The following SEZ6L variants were observed in gnomAD, a reference collection of about 807,000 sequenced individuals.
SEZ6L encodes seizure 6-like protein.
SEZ6L carries 37 observed loss-of-function variants against 106.2 expected under a neutral mutation model. That is an observed-to-expected ratio of 0.35 (90% CI 0.27 to 0.46). The LOEUF (loss-of-function observed/expected upper bound fraction) is 0.46, where lower values mean the gene tolerates loss of function less well. Among genes scored for constraint, SEZ6L ranks in the 20% least tolerant of loss-of-function variants. The pLI is 1.00. For missense variants in SEZ6L, 1,172 were observed against 1,332.8 expected, an observed-to-expected ratio of 0.88 and a Z score of 1.88; for synonymous variants, 541 against 570.4, an observed-to-expected ratio of 0.95 and a Z score of 0.73.
intron 12 of SEZ6L, among the ~76,000 whole-genome samples, chr22:26,357,802 C>T (rs905473261): frequency 6.6e-5 from 10 of 152,192 alleles, no homozygotes; most frequent in Admixed American, 5.9e-4. Flanking sequence ...TTTGTTGCAA[C>T]TTCCCCTCTT....
At position 26,233,015 on chromosome 22, in the gene SEZ6L, G is replaced by A. The variant is rs978500195; in HGVS notation, c.95-59391G>A. ...CACACACCCTTGTGTACTCAGCGGC[G>A]CTCCGCCATGGGTTAATCTAAGATT... On this transcript the variant is annotated intron_variant, in intron 1 of 16. Coordinates refer to ENST00000248933, the MANE Select transcript of SEZ6L (RefSeq NM_021115.5). Among the ~76,000 whole-genome samples the A allele has an allele frequency of 2.0e-5, 3 of 152,324 alleles. No homozygotes were observed. In the East Asian group the frequency reaches 5.8e-4, roughly 29 times the overall value.
chr22:26,321,794 C>T (rs1321611072), intron 9 of SEZ6L, among the ~76,000 whole-genome samples: 1 of 152,104 alleles, frequency 6.6e-6, no homozygotes, highest in Non-Finnish European at 1.5e-5. Flanking sequence ...GTGTGCACTG[C>T]AGACCGAGCT....
intron 11 of SEZ6L, among the ~76,000 whole-genome samples, chr22:26,348,654 G>GAAAGAAAGAAAGAAAGAA (rs2083129019): frequency 4.8e-5 from 2 of 41,506 alleles, no homozygotes; most frequent in Admixed American, 2.7e-4. Context: ...GAAAAAGAAA[G>GAAAGAAAGAAAGAAAGAA]AAAGAAAGAA....
At chr22:26,181,083 C>T (rs1939358565) in intron 1 of SEZ6L, among the ~76,000 whole-genome samples, 1 of 152,168 alleles carries the variant, frequency 6.6e-6, no homozygotes, top group Admixed American at 6.5e-5. Context: ...TTCCCTTGCC[C>T]CTCTCTGCAG....
At chr22:26,360,069 G>A (rs1345960056) in intron 12 of SEZ6L, among the ~76,000 whole-genome samples, 1 of 152,208 alleles carries the variant, frequency 6.6e-6, no homozygotes, top group Non-Finnish European at 1.5e-5. Context: ...TAAATGATGA[G>A]TTAATATGTT....
intron 3 of SEZ6L, among the ~76,000 whole-genome samples, chr22:26,295,594 A>G (rs1214829843): frequency 2.0e-5 from 3 of 152,024 alleles, no homozygotes; most frequent in Non-Finnish European, 2.9e-5. Context: ...ACTGGAGAAA[A>G]CCTGCAGTCC....
intron 1 of SEZ6L, among the ~76,000 whole-genome samples, chr22:26,182,776 T>C (rs1309115876): frequency 4.0e-5 from 6 of 151,798 alleles, no homozygotes; most frequent in Admixed American, 3.9e-4. Flanking sequence ...TTTGATAAAA[T>C]GGAAGTTCCA....
At chr22:26,306,844 A>G (rs900778487) in intron 6 of SEZ6L, among the ~76,000 whole-genome samples, 2 of 152,208 alleles carry the variant, frequency 1.3e-5, no homozygotes, top group African/African-American at 4.8e-5. Flanking sequence ...GTTCTAGAAT[A>G]TTCTGGATTA....
Position 26,253,234 on chromosome 22 carries a change from C to T in SEZ6L, c.95-39172C>T, listed in dbSNP as rs577867457. On this transcript the variant is annotated intron_variant, in intron 1 of 16. Transcript: ENST00000248933. ...TCCTGCTCCTAGGCCTCTCTTTGAC[C>T]ACCAGGATACCCTTTCTTATGCATC... 1.6e-4 allele frequency among the ~76,000 whole-genome samples: 24 copies of T among 152,284 alleles called. No homozygotes were observed. In the South Asian group the frequency reaches 4.1e-3, roughly 26 times the overall value.
intron 1 of SEZ6L, among the ~76,000 whole-genome samples, chr22:26,227,230 C>A (rs2078660957): frequency 6.6e-6 from 1 of 152,206 alleles, no homozygotes; most frequent in Non-Finnish European, 1.5e-5. Context: ...TGCTCTGCAG[C>A]TGAAGGCTGT....
chr22:26,359,520 A>C (rs2083543536), intron 12 of SEZ6L, among the ~76,000 whole-genome samples: 1 of 152,194 alleles, frequency 6.6e-6, no homozygotes, highest in African/African-American at 2.4e-5. Flanking sequence ...GATGATGACC[A>C]GGCATGATGG....
chr22:26,224,411 TA>T, intron 1 of SEZ6L, among the ~76,000 whole-genome samples: 1 of 152,080 alleles, frequency 6.6e-6, no homozygotes, highest in Non-Finnish European at 1.5e-5. Context: ...AAATATGAGC[TA>T]TCAGAGAAGG....
rs1229794374 is a variant in SEZ6L, at chr22:26,316,892, G to GAAAGAAGAAACAA, written c.2015+2991_2015+2992insAAGAAGAAACAAA. On this transcript the variant is annotated intron_variant, in intron 9 of 16. Coordinates refer to ENST00000248933, the MANE Select transcript of SEZ6L (RefSeq NM_021115.5). ...AGAAGGAAAGAAAGAAAGAAAGAAA[G>GAAAGAAGAAACAA]AGAAAGAAAGAAGAAAGAAAGAAAG... Among the ~76,000 whole-genome samples, 11 of 103,676 alleles carry GAAAGAAGAAACAA rather than the reference G, an allele frequency of 1.1e-4. 2 individuals are homozygous for GAAAGAAGAAACAA. In the South Asian group the frequency reaches 3.6e-3, roughly 34 times the overall value. 68.0% of individuals were successfully genotyped at this position (103,676 alleles called of 152,430 possible). A position where few individuals can be genotyped will look rare whatever the true frequency, so the allele number is the denominator to read the frequency against.
chr22:26,190,732 C>T (rs1940134594), intron 1 of SEZ6L, among the ~76,000 whole-genome samples: 1 of 152,166 alleles, frequency 6.6e-6, no homozygotes. Flanking sequence ...GAGGTGGGGA[C>T]TTGCCAAAGG....
In SEZ6L at chr22:26,348,006, G is replaced by A; in HGVS notation, c.2407+93G>A. ...GGTGGGTGCAGTGGAGCTGTTTAAT[G>A]TAGAATCTGGACTCCCCCTCCACCA... On this transcript the variant is annotated intron_variant, in intron 11 of 16. Coordinates refer to ENST00000248933, the MANE Select transcript of SEZ6L (RefSeq NM_021115.5). 4 of 985,764 alleles carry A rather than the reference G, an allele frequency of 4.1e-6. No homozygotes were observed. In the South Asian group the frequency reaches 7.8e-5, roughly 19 times the overall value. 61.1% of individuals were successfully genotyped at this position (985,764 alleles called of 1,614,324 possible). A position where few individuals can be genotyped will look rare whatever the true frequency, so the allele number is the denominator to read the frequency against.
rs142863810 is a variant in SEZ6L at position 26,297,047 on chromosome 22, G to C, written c.1129G>C (p.Asp377His). ...CGTCTACTTCCGGACCTTCCAGGAC[G>C]ACGGCCTTGGGACCTTCCAGCTTCA... ...ISVYFRTFQD[D>H]GLGTFQLHYQ... The change falls in exon 4 of 17, where the codon GAC becomes CAC. Residue 377 changes from aspartate to histidine, a missense_variant. Around this residue, in one of 4 missense-constraint regions of SEZ6L, gnomAD observed 534 missense variants for 691.0 expected, o/e 0.77. Coordinates refer to ENST00000248933, the MANE Select transcript of SEZ6L (RefSeq NM_021115.5). 1 of 1,613,402 alleles carries C rather than the reference G, an allele frequency of 6.2e-7. No individual in the cohort carries two copies. The highest frequency in any genetic ancestry group is 8.5e-7 in the Non-Finnish European group (1 of 1,179,702).
intron 1 of SEZ6L, among the ~76,000 whole-genome samples, chr22:26,272,926 T>A (rs1424445484): frequency 1.3e-5 from 2 of 152,164 alleles, no homozygotes; most frequent in African/African-American, 4.8e-5. Context: ...ATTTTCCCCA[T>A]CTGCAAAATG....
intron 1 of SEZ6L, among the ~76,000 whole-genome samples, chr22:26,219,600 C>A (rs1338986442): frequency 6.6e-6 from 1 of 152,054 alleles, no homozygotes; most frequent in Non-Finnish European, 1.5e-5. Context: ...TTTTAAAAAT[C>A]TGAGGCCATG....
chr22:26,245,812 A>ATTG (rs1438632212), intron 1 of SEZ6L, among the ~76,000 whole-genome samples: 1 of 151,798 alleles, frequency 6.6e-6, no homozygotes, highest in East Asian at 1.9e-4. Flanking sequence ...TTAGCATTTT[A>ATTG]TTGTTGTTGT....
Sources: gnomAD v4.1 joint callset for allele counts (sites outside exome capture counted in the v4.1 genomes callset) on GRCh38, gnomAD v4.1.1 for gene constraint, gnomAD v4.1.1 regional missense constraint, MANE v1.5 for transcripts, NCBI Gene and HGNC (gene_info 2026-07-23, HGNC 2026-07-21) for gene names.